STAT1: variants seen among roughly 807,000 people sequenced by gnomAD.
STAT1 encodes the protein signal transducer and activator of transcription 1-alpha/beta.
Under a neutral mutation model 111.7 loss-of-function variants are expected in STAT1, and 24 were observed. That is an observed-to-expected ratio of 0.21 (90% CI 0.16 to 0.30). STAT1 has a LOEUF of 0.30. STAT1 is among the 10% of genes least tolerant of loss of function. The probability of loss-of-function intolerance (pLI) is 1.00; values close to 1 mark genes in which losing one functional copy is unlikely to be tolerated. For synonymous variants in STAT1, 332 were observed against 326.5 expected (o/e 1.02, Z -0.18); for missense variants, 351 against 911.9 (o/e 0.38, Z 7.92).
At chr2:190,992,148 C>T (rs1693406310) in intron 10 of STAT1, among the ~76,000 whole-genome samples, 1 of 152,130 alleles carries the variant, frequency 6.6e-6, no homozygotes, top group Non-Finnish European at 1.5e-5. Context: ...TATGAAGAAG[C>T]TATTAATCAG....
chr2:190,998,675 A>C lies in STAT1; in HGVS notation c.542-367T>G, dbSNP rs1694031099. Reference sequence around the variant, plus strand: ...AGACTCCGTCTCCAAAAAAAAACAAAAAAAACAAAAAAAAAACAAAAAAAA... The same window carrying C: ...AGACTCCGTCTCCAAAAAAAAACAACAAAAACAAAAAAAAAACAAAAAAAA... On this transcript the variant is annotated intron_variant, in intron 7 of 24. Transcript: ENST00000361099. This position sits in a 1 kb window ranked among gnomAD's most constrained non-coding sequence, Gnocchi z 4.1. Among the ~76,000 whole-genome samples, 1 of 148,544 alleles carries C rather than the reference A, an allele frequency of 6.7e-6. No individual in the cohort carries two copies. The highest frequency in any genetic ancestry group is 1.5e-5 in the Non-Finnish European group (1 of 65,722).
Position 190,993,337 on chromosome 2 carries a change from G to A in STAT1, c.944+1724C>T. 1 of 882,468 alleles carries A rather than the reference G, an allele frequency of 1.1e-6. No individual in the cohort carries two copies. 54.7% of individuals were successfully genotyped at this position (882,468 alleles called of 1,614,324 possible). ...CATTGGCTCCTCTGTAATAACTGGA[G>A]ATGACTGTTCGAAACCTTTCCTGTT... On this transcript the variant is annotated intron_variant, in intron 10 of 24. Coordinates refer to ENST00000361099, the MANE Select transcript of STAT1 (RefSeq NM_007315.4). The surrounding 1 kb of genome is among the most constrained non-coding windows in gnomAD (Gnocchi z 4.1).
chr2:191,011,414 G>GGT (rs138763777), intron 2 of STAT1, among the ~76,000 whole-genome samples: 23 of 151,678 alleles, frequency 1.5e-4, no homozygotes, highest in South Asian at 2.1e-4. Context: ...CTATCAACAA[G>GGT]GTGTGTGTGT....
chr2:191,008,086 T>C (rs1559024925), intron 4 of STAT1: 1 of 436,656 alleles, frequency 2.3e-6, no homozygotes, highest in Non-Finnish European at 4.6e-6. Flanking sequence ...GGGTTTTCTG[T>C]TGCCATTGTC....
rs1204025956 is a variant in STAT1 at position 190,977,948 on chromosome 2, T to C, written c.1873+908A>G. Among the ~76,000 whole-genome samples the C allele has an allele frequency of 1.3e-5, 2 of 150,382 alleles. No homozygotes were observed. The highest frequency in any genetic ancestry group is 6.6e-5 in the Admixed American group (1 of 15,122). On this transcript the variant is annotated intron_variant, in intron 21 of 24. Transcript: ENST00000361099. The surrounding 1 kb of genome is among the most constrained non-coding windows in gnomAD (Gnocchi z 4.7). ...ACAAATAGAACAAGAAGAGTATTCC[T>C]GAAAAATAAACAGAACAAGAAAGAA...
chr2:191,004,492 C>T lies in STAT1; in HGVS notation c.372+3071G>A, dbSNP rs913315471. On this transcript the variant is annotated intron_variant, in intron 5 of 24. Coordinates refer to ENST00000361099, the MANE Select transcript of STAT1 (RefSeq NM_007315.4). This position sits in a 1 kb window ranked among gnomAD's most constrained non-coding sequence, Gnocchi z 5.0. The stretch of plus-strand genomic sequence containing the variant: ...GGCACTCCATGGGTGTGAGAAGTTC[C>T]AGCCAGAAAGCCCTCATATCCCATC... Among the ~76,000 whole-genome samples, 1 of 152,140 alleles carries T rather than the reference C, an allele frequency of 6.6e-6. No homozygotes were observed. Among genetic ancestry groups the T allele is most frequent in the African/African-American group, 2.4e-5 (1 of 41,428 alleles).
At position 190,970,846 on chromosome 2, in the gene STAT1, C is replaced by G. The variant is rs1157731814; in HGVS notation, c.2239-129G>C. 2 of 895,530 alleles carry G rather than the reference C, an allele frequency of 2.2e-6. No homozygotes were observed. The highest frequency in any genetic ancestry group is 3.6e-6 in the Non-Finnish European group (2 of 553,110). The allele number at this position is 895,530 out of a possible 1,614,324, so 55.5% of individuals were successfully genotyped here. On this transcript the variant is annotated intron_variant, in intron 24 of 24. Coordinates refer to ENST00000361099, the MANE Select transcript of STAT1 (RefSeq NM_007315.4). The surrounding 1 kb of genome is among the most constrained non-coding windows in gnomAD (Gnocchi z 5.4). ...GATACTTGCAATGGCAAATAAATAC[C>G]GTGGAATAAGAGGGCCTTCAGCATG...
At position 190,993,751 on chromosome 2, in the gene STAT1, C is replaced by T. The variant is rs900085120; in HGVS notation, c.944+1310G>A. ...CGCTGCCACTCAGCTATTGCTTCCA[C>T]CCAAAATCAAGTACATTTTTATCAT... On this transcript the variant is annotated intron_variant, in intron 10 of 24. Coordinates refer to ENST00000361099, the MANE Select transcript of STAT1 (RefSeq NM_007315.4). The surrounding 1 kb of genome is among the most constrained non-coding windows in gnomAD (Gnocchi z 4.1). 5.3e-5 allele frequency among the ~76,000 whole-genome samples: 8 copies of T among 151,884 alleles called. No individual in the cohort carries two copies. The highest frequency in any genetic ancestry group is 4.4e-5 in the Non-Finnish European group (3 of 68,006).
chr2:191,010,834 T>C (rs913449222), intron 2 of STAT1, among the ~76,000 whole-genome samples: 1 of 152,242 alleles, frequency 6.6e-6, no homozygotes, highest in African/African-American at 2.4e-5. Context: ...GGATAACTGT[T>C]AAGTCCATTT....
At position 190,974,774 on chromosome 2, in the gene STAT1, G is replaced by A; in HGVS notation, c.2238+56C>T. On this transcript the variant is annotated intron_variant, in intron 24 of 24. Coordinates refer to ENST00000361099, the MANE Select transcript of STAT1 (RefSeq NM_007315.4). This position sits in a 1 kb window ranked among gnomAD's most constrained non-coding sequence, Gnocchi z 4.8. The stretch of plus-strand genomic sequence containing the variant: ...CGGGATCTGCCATGGTGCGCTCCCT[G>A]CCTCTGAGCACACACACTTATTGAG... 1 of 1,486,492 alleles carries A rather than the reference G, an allele frequency of 6.7e-7. No homozygotes were observed. The highest frequency in any genetic ancestry group is 9.4e-7 in the Non-Finnish European group (1 of 1,064,254). 92.1% of individuals were successfully genotyped at this position (1,486,492 alleles called of 1,614,324 possible).
At position 191,007,497 on chromosome 2, in the gene STAT1, TA is replaced by T; in HGVS notation, c.372+65del. The T allele has an allele frequency of 8.5e-7, 1 of 1,178,518 alleles. No homozygotes were observed. The highest frequency in any genetic ancestry group is 1.3e-6 in the Non-Finnish European group (1 of 789,910). 73.0% of individuals were successfully genotyped at this position (1,178,518 alleles called of 1,614,324 possible). On this transcript the variant is annotated intron_variant, in intron 5 of 24. Transcript: ENST00000361099. This position sits in a 1 kb window ranked among gnomAD's most constrained non-coding sequence, Gnocchi z 4.2. ...ATCATTGCTTTGACATGGGCCCTAA[TA>T]GTATTTGATGAATGAATACATTTTT...
rs903996780 is a variant in STAT1, at chr2:190,996,300, T to C, written c.786-1081A>G. On this transcript the variant is annotated intron_variant, in intron 9 of 24. Coordinates refer to ENST00000361099, the MANE Select transcript of STAT1 (RefSeq NM_007315.4). The surrounding 1 kb of genome is among the most constrained non-coding windows in gnomAD (Gnocchi z 4.5). ...CAGAAGAAAACCTTTTAAAAGTGTC[T>C]TCTTCCCTGGGAAAAGTATCTACTT... Among the ~76,000 whole-genome samples the C allele has an allele frequency of 3.9e-5, 6 of 152,244 alleles. No individual in the cohort carries two copies. The highest frequency in any genetic ancestry group is 8.8e-5 in the Non-Finnish European group (6 of 68,040).
rs114241519 is a variant in STAT1, at chr2:190,988,598, T to C, written c.1097+1017A>G. Among the ~76,000 whole-genome samples, 560 of 152,264 alleles carry C rather than the reference T, an allele frequency of 3.7e-3. 6 individuals carry two copies. The highest frequency in any genetic ancestry group is 0.013 in the African/African-American group (533 of 41,542). On this transcript the variant is annotated intron_variant, in intron 12 of 24. Transcript: ENST00000361099. ...TTTCGCCATGTTGGCCAGGCCGGTC[T>C]CAAACTCTGGCTTCATGTGATCTGC...
In STAT1 at chr2:190,983,591, G is replaced by C; in HGVS notation, c.1446+51C>G. The stretch of plus-strand genomic sequence containing the variant: ...CTATTTCAGAGATGCAGCAGTGAGA[G>C]CGTGGGGTCTCTGCTTAACCCTGGG... On this transcript the variant is annotated intron_variant, in intron 17 of 24. Transcript: ENST00000361099. This position sits in a 1 kb window ranked among gnomAD's most constrained non-coding sequence, Gnocchi z 5.7. 1 of 1,509,904 alleles carries C rather than the reference G, an allele frequency of 6.6e-7. No individual in the cohort carries two copies. Among genetic ancestry groups the C allele is most frequent in the Non-Finnish European group, 9.2e-7 (1 of 1,085,174 alleles). 93.5% of individuals were successfully genotyped at this position (1,509,904 alleles called of 1,614,324 possible).
Position 190,999,672 on chromosome 2 carries a change from A to G in STAT1, c.495T>C (p.Asp165=), listed in dbSNP as rs1387883749. ...ATTTGAAGTCATATTCATCTTGTAA[A>G]TCTTCCAGGCTCTTGATTTCATGCT... is the stretch of plus-strand genomic sequence containing the variant. ...CIEHEIKSLE[D]LQDEYDFKCK... The change falls in exon 7 of 25, where the codon GAT becomes GAC. Residue 165 remains aspartate, a synonymous_variant. Transcript: ENST00000361099. This position sits in a 1 kb window ranked among gnomAD's most constrained non-coding sequence, Gnocchi z 4.1. The G allele has an allele frequency of 6.2e-7, 1 of 1,613,902 alleles. No individual in the cohort carries two copies. Among genetic ancestry groups the G allele is most frequent in the Non-Finnish European group, 8.5e-7 (1 of 1,179,854 alleles).
rs984961662 is a variant in STAT1 at position 190,977,780 on chromosome 2, C to A, written c.1874-755G>T. The stretch of plus-strand genomic sequence containing the variant: ...TTCATCTCTGCTTGGTCTACTATAT[C>A]TGTCTCTCAGCTGGTTCAGGAAGGG... On this transcript the variant is annotated intron_variant, in intron 21 of 24. Coordinates refer to ENST00000361099, the MANE Select transcript of STAT1 (RefSeq NM_007315.4). This position sits in a 1 kb window ranked among gnomAD's most constrained non-coding sequence, Gnocchi z 4.7. 6.6e-6 allele frequency among the ~76,000 whole-genome samples: 1 copy of A among 152,066 alleles called. No individual in the cohort carries two copies. The highest frequency in any genetic ancestry group is 1.5e-5 in the Non-Finnish European group (1 of 68,024).
chr2:191,001,285 T>C (rs1272180466), intron 5 of STAT1, 122 bp from the exon 6 acceptor site: 1 of 762,000 alleles, frequency 1.3e-6, no homozygotes, highest in Non-Finnish European at 2.3e-6. Context: ...ACAGGCTTCC[T>C]GCTTATGTGT....
At position 190,970,289 on chromosome 2, in the gene STAT1, C is replaced by T. The variant is rs1406977266; in HGVS notation, c.*414G>A. On this transcript the variant is annotated 3_prime_UTR_variant, in exon 25 of 25. Transcript: ENST00000361099. The surrounding 1 kb of genome is among the most constrained non-coding windows in gnomAD (Gnocchi z 5.4). ...TAAGAATTCTCCCACAGAAATTTAC[C>T]GTTCCTACGTCAAGCAGTTCCCTAA... 4 of 233,694 alleles carry T rather than the reference C, an allele frequency of 1.7e-5. No individual in the cohort carries two copies. The highest frequency in any genetic ancestry group is 3.4e-5 in the Non-Finnish European group (4 of 116,242). 14.5% of individuals were successfully genotyped at this position (233,694 alleles called of 1,614,324 possible).
chr2:190,974,790 A>G lies in STAT1; in HGVS notation c.2238+40T>C. The stretch of plus-strand genomic sequence containing the variant: ...GCGCTCCCTGCCTCTGAGCACACAC[A>G]CTTATTGAGAGCTACACACAGGCCA... On this transcript the variant is annotated intron_variant, in intron 24 of 24. Coordinates refer to ENST00000361099, the MANE Select transcript of STAT1 (RefSeq NM_007315.4). The surrounding 1 kb of genome is among the most constrained non-coding windows in gnomAD (Gnocchi z 4.8). The G allele has an allele frequency of 2.6e-6, 4 of 1,548,744 alleles. No individual in the cohort carries two copies. Among genetic ancestry groups the G allele is most frequent in the Non-Finnish European group, 2.7e-6 (3 of 1,120,606 alleles).
Sources: allele counts gnomAD v4.1 joint callset (sites outside exome capture counted in the v4.1 genomes callset), GRCh38; gene constraint gnomAD v4.1.1; non-coding constraint Gnocchi (gnomAD v3.1); transcripts MANE v1.5; gene names NCBI Gene and HGNC (gene_info 2026-07-23, HGNC 2026-07-21).